ANK3: variants seen among roughly 807,000 people sequenced by gnomAD.
ANK3 encodes the protein ankyrin 3, also known as ankyrin-3.
ANK3 carries 57 observed loss-of-function variants against 370.9 expected under a neutral mutation model. That is an observed-to-expected ratio of 0.15 (90% CI 0.12 to 0.19). The LOEUF (loss-of-function observed/expected upper bound fraction) is 0.19, where lower values mean the gene tolerates loss of function less well. Among genes scored for constraint, ANK3 ranks in the 10% least tolerant of loss-of-function variants. The pLI is 1.00. For synonymous variants in ANK3, 1,929 were observed against 1,946.3 expected (o/e 0.99, Z 0.23); for missense variants, 4,439 against 5,302.1 (o/e 0.84, Z 5.06).
In ANK3 at chr10:60,733,484, C is replaced by T. The variant is rs1009251127; in HGVS notation, c.-165G>A. ...CCGCCCAGCGCGGCCTATCCTCCTC[C>T]TGCTGTGTCCGCTGCGACCGCCAGG... On this transcript the variant is annotated 5_prime_UTR_variant, in exon 1 of 44. Transcript: ENST00000373827. 5.4e-6 allele frequency: 3 copies of T among 555,688 alleles called. No individual in the cohort carries two copies. The African/African-American group carries it at 5.9e-5, about 11-fold the overall frequency. 34.4% of individuals were successfully genotyped at this position (555,688 alleles called of 1,614,324 possible).
intron 2 of ANK3, among the ~76,000 whole-genome samples, chr10:60,471,574 G>T (rs2065220070): frequency 6.6e-6 from 1 of 152,056 alleles, no homozygotes; most frequent in Non-Finnish European, 1.5e-5. Context: ...ATGAGGGCTT[G>T]TTTTTATGAG....
chr10:60,729,721 A>T (rs2079993499), intron 1 of ANK3, among the ~76,000 whole-genome samples: 1 of 152,224 alleles, frequency 6.6e-6, no homozygotes, highest in South Asian at 2.1e-4. Flanking sequence ...TACTAGAAGC[A>T]GTTTGTTCTA....
intron 1 of ANK3, among the ~76,000 whole-genome samples, chr10:60,301,912 T>G (rs961741927): frequency 6.6e-6 from 1 of 152,218 alleles, no homozygotes; most frequent in Non-Finnish European, 1.5e-5. Flanking sequence ...TTCTAATCAA[T>G]AGTTCTCTTA....
chr10:60,176,414 A>G (rs2132326921), intron 18 of ANK3, among the ~76,000 whole-genome samples: 1 of 151,872 alleles, frequency 6.6e-6, no homozygotes, highest in Middle Eastern at 3.4e-3. Context: ...AAGAAAAAGA[A>G]ATTGTCATTT....
chr10:60,691,989 T>C (rs1453689987), intron 1 of ANK3, among the ~76,000 whole-genome samples: 1 of 152,202 alleles, frequency 6.6e-6, no homozygotes, highest in Admixed American at 6.5e-5. Context: ...TAGCCTTAGC[T>C]GGTAATGAAT....
intron 1 of ANK3, among the ~76,000 whole-genome samples, chr10:60,325,091 G>T (rs1260693045): frequency 6.6e-6 from 1 of 152,190 alleles, no homozygotes; most frequent in Non-Finnish European, 1.5e-5. Flanking sequence ...AGGCTAATCA[G>T]ACATTTCTTC....
chr10:60,073,942 G>C lies in ANK3; in HGVS notation c.6939C>G (p.Ala2313=), dbSNP rs1382241257. The change falls in exon 37 of 44, where the codon GCC becomes GCG. Residue 2313 remains alanine, a synonymous_variant. Transcript: ENST00000280772. Reference sequence around the variant, plus strand: ...TTTGGTTGTCCTTCTCTGCATGCTGGGCTGAGGTTTCAGCAGCAGACTTGT... The same window carrying C: ...TTTGGTTGTCCTTCTCTGCATGCTGCGCTGAGGTTTCAGCAGCAGACTTGT... ...DVHKSAAETS[A]QHAEKDNQMK... 6.2e-7 allele frequency: 1 copy of C among 1,613,728 alleles called. No homozygotes were observed. Among genetic ancestry groups the C allele is most frequent in the Non-Finnish European group, 8.5e-7 (1 of 1,179,970 alleles).
intron 2 of ANK3, among the ~76,000 whole-genome samples, chr10:60,558,909 T>G (rs893719570): frequency 1.3e-5 from 2 of 152,174 alleles, no homozygotes; most frequent in Non-Finnish European, 2.9e-5. Context: ...TTTACCATCA[T>G]GGAACAAATT....
chr10:60,687,729 T>C (rs917464087), intron 1 of ANK3, among the ~76,000 whole-genome samples: 5 of 152,170 alleles, frequency 3.3e-5, no homozygotes, highest in African/African-American at 7.2e-5. Flanking sequence ...TCCAAAAGAA[T>C]TGAAATCAGG....
chr10:60,566,125 T>A (rs1259619996), intron 2 of ANK3, among the ~76,000 whole-genome samples: 1 of 152,200 alleles, frequency 6.6e-6, no homozygotes, highest in African/African-American at 2.4e-5. Flanking sequence ...GAAGTTACTA[T>A]TAATATTGTA....
At chr10:60,183,835 G>C (rs1287249588) in intron 17 of ANK3, among the ~76,000 whole-genome samples, 1 of 149,978 alleles carries the variant, frequency 6.7e-6, no homozygotes. Context: ...TCCAGCCTGG[G>C]CAACAAGAAT....
chr10:60,430,350 T>C lies in ANK3; in HGVS notation c.97-150711A>G, dbSNP rs1173184966. 2.0e-5 allele frequency among the ~76,000 whole-genome samples: 3 copies of C among 152,012 alleles called. No individual in the cohort carries two copies. In the East Asian group the frequency reaches 5.8e-4, roughly 29 times the overall value. ...TTCAAATAGTCCAAAGACCAAACATTGTCATTCCCCTAAAGATGCCTAGAA... is the reference window on the plus strand; with the variant it reads ...TTCAAATAGTCCAAAGACCAAACATCGTCATTCCCCTAAAGATGCCTAGAA... On this transcript the variant is annotated intron_variant, in intron 2 of 43. Coordinates refer to the ANK3 transcript ENST00000373827.
At chr10:60,597,726 C>A (rs2078007752) in intron 2 of ANK3, among the ~76,000 whole-genome samples, 1 of 152,104 alleles carries the variant, frequency 6.6e-6, no homozygotes, top group Non-Finnish European at 1.5e-5. Context: ...ATCAAAAGAT[C>A]AACATGATTC....
At chr10:60,646,166 G>GA (rs1047626637) in intron 1 of ANK3, among the ~76,000 whole-genome samples, 8 of 149,954 alleles carry the variant, frequency 5.3e-5, no homozygotes, top group Non-Finnish European at 8.9e-5. Context: ...TGAAAAAAAA[G>GA]AAAAAAAAAG....
chr10:60,092,030 C>T (rs144077228), intron 28 of ANK3, among the ~76,000 whole-genome samples: 1,786 of 152,042 alleles, frequency 0.012, 21 homozygotes, highest in Non-Finnish European at 0.018. Context: ...CGCCAGGCTA[C>T]GTTTGTATAT....
At chr10:60,441,872 C>T (rs2064307599) in intron 2 of ANK3, among the ~76,000 whole-genome samples, 1 of 152,084 alleles carries the variant, frequency 6.6e-6, no homozygotes, top group Non-Finnish European at 1.5e-5. Flanking sequence ...GATATATTCT[C>T]TTTCCCCATG....
chr10:60,372,967 AAT>A (rs1157552758), intron 1 of ANK3, among the ~76,000 whole-genome samples: 2 of 152,260 alleles, frequency 1.3e-5, no homozygotes, highest in African/African-American at 4.8e-5. Flanking sequence ...TTGGTATAAA[AAT>A]AGAGGCATGA....
Position 60,233,009 on chromosome 10 carries a change from T to C in ANK3, c.897+1679A>G, listed in dbSNP as rs184015182. Among the ~76,000 whole-genome samples the C allele has an allele frequency of 3.3e-5, 5 of 152,352 alleles. No individual in the cohort carries two copies. The East Asian group carries it at 9.6e-4, about 29-fold the overall frequency. ...GAGTTGCAGTTACAAGAAAACTACTTAAAACCCTTCGATAGATGGATGTTT... is the reference window on the plus strand; with the variant it reads ...GAGTTGCAGTTACAAGAAAACTACTCAAAACCCTTCGATAGATGGATGTTT... On this transcript the variant is annotated intron_variant, in intron 8 of 43. Coordinates refer to ENST00000280772, the MANE Select transcript of ANK3 (RefSeq NM_020987.5).
At chr10:60,544,454 A>T (rs1176664605) in intron 2 of ANK3, among the ~76,000 whole-genome samples, 5 of 152,108 alleles carry the variant, frequency 3.3e-5, no homozygotes, top group Non-Finnish European at 7.4e-5. Context: ...TTTCTTCAGT[A>T]CCTCATTTGA....
Sources: gnomAD v4.1 joint callset for allele counts (sites outside exome capture counted in the v4.1 genomes callset) on GRCh38, gnomAD v4.1.1 for gene constraint, MANE v1.5 for transcripts, NCBI Gene and HGNC (gene_info 2026-07-23, HGNC 2026-07-21) for gene names.